SGCZ: variants seen among roughly 807,000 people sequenced by gnomAD.
SGCZ encodes sarcoglycan zeta.
SGCZ carries 40 observed loss-of-function variants against 41.3 expected under a neutral mutation model. The observed-to-expected ratio is 0.97, with a 90% CI of 0.75 to 1.26. The LOEUF (loss-of-function observed/expected upper bound fraction) is 1.26. Ranked by LOEUF, SGCZ falls within the 50% of genes most tolerant of loss-of-function variation. The pLI is 0.00. For synonymous variants in SGCZ, 206 were observed against 137.5 expected (o/e 1.50, Z -3.49); for missense variants, 552 against 369.8 (o/e 1.49, Z -4.04).
intron 1 of SGCZ, among the ~76,000 whole-genome samples, chr8:14,752,643 A>C (rs535003230): frequency 2.6e-5 from 4 of 152,340 alleles, no homozygotes; most frequent in Middle Eastern, 3.4e-3. Flanking sequence ...TATTTGCAAA[A>C]TAAATGAACT....
At chr8:14,452,998 G>A (rs1800638427) in intron 2 of SGCZ, among the ~76,000 whole-genome samples, 1 of 152,078 alleles carries the variant, frequency 6.6e-6, no homozygotes, top group Non-Finnish European at 1.5e-5. Flanking sequence ...AGCTACTCGG[G>A]AGGCTGAGGC....
intron 2 of SGCZ, among the ~76,000 whole-genome samples, chr8:14,553,321 C>T (rs1252546773): frequency 6.6e-6 from 1 of 151,982 alleles, no homozygotes. Flanking sequence ...GAGAATGTAC[C>T]TACAAGCCTT....
chr8:15,136,517 T>C (rs1274360929), intron 1 of SGCZ, among the ~76,000 whole-genome samples: 1 of 152,086 alleles, frequency 6.6e-6, no homozygotes, highest in Non-Finnish European at 1.5e-5. Context: ...CCAAATCTCA[T>C]CTGAATTGTA....
At chr8:14,428,135 T>TAC (rs1799841308) in intron 2 of SGCZ, among the ~76,000 whole-genome samples, 1 of 16,710 alleles carries the variant, frequency 6.0e-5, no homozygotes, top group African/African-American at 3.5e-4. Context: ...CACACACACA[T>TAC]ATATATATAT....
chr8:14,406,661 C>T (rs1251915140), intron 2 of SGCZ, among the ~76,000 whole-genome samples: 3 of 152,138 alleles, frequency 2.0e-5, no homozygotes, highest in African/African-American at 7.2e-5. Flanking sequence ...CCATTAGACA[C>T]ATGCCATGTC....
chr8:14,205,458 T>C (rs1805587829), intron 4 of SGCZ, among the ~76,000 whole-genome samples: 1 of 152,332 alleles, frequency 6.6e-6, no homozygotes, highest in East Asian at 1.9e-4. Flanking sequence ...AATTGATACA[T>C]GTTTCAGTTT....
chr8:14,737,180 CAT>C (rs377521367), intron 1 of SGCZ, among the ~76,000 whole-genome samples: 7 of 140,930 alleles, frequency 5.0e-5, no homozygotes, highest in East Asian at 2.0e-4. Context: ...ATATATCATA[CAT>C]ATATATATAT....
chr8:15,024,507 G>C (rs752848362), intron 1 of SGCZ, among the ~76,000 whole-genome samples: 3 of 152,144 alleles, frequency 2.0e-5, no homozygotes, highest in African/African-American at 7.2e-5. Flanking sequence ...AAGAACTAGA[G>C]ACAATAAATA....
intron 2 of SGCZ, among the ~76,000 whole-genome samples, chr8:14,431,687 G>T (rs934205823): frequency 1.3e-5 from 2 of 152,108 alleles, no homozygotes; most frequent in Non-Finnish European, 2.9e-5. Flanking sequence ...ATAAATAGCT[G>T]GGACTTAATT....
At chr8:14,568,456 A>G (rs1254397140) in intron 1 of SGCZ, among the ~76,000 whole-genome samples, 1 of 151,942 alleles carries the variant, frequency 6.6e-6, no homozygotes, top group South Asian at 2.1e-4. Context: ...AAAAAAAAAA[A>G]AAAACTAAAG....
At chr8:14,824,048 T>C (rs1261886246) in intron 1 of SGCZ, among the ~76,000 whole-genome samples, 1 of 151,736 alleles carries the variant, frequency 6.6e-6, no homozygotes, top group Non-Finnish European at 1.5e-5. Context: ...AGGTAGAGGA[T>C]ATCATAGAAG....
chr8:14,405,982 A>G (rs559367870), intron 2 of SGCZ, among the ~76,000 whole-genome samples: 11 of 152,172 alleles, frequency 7.2e-5, no homozygotes, highest in Non-Finnish European at 1.6e-4. Context: ...ATTTACATTC[A>G]TGTAAATACA....
chr8:15,112,591 T>A (rs1458335646), intron 1 of SGCZ, among the ~76,000 whole-genome samples: 1 of 152,260 alleles, frequency 6.6e-6, no homozygotes, highest in African/African-American at 2.4e-5. Flanking sequence ...GGCCCAGGCC[T>A]TAATACATAG....
At chr8:14,507,394 C>T (rs1802336833) in intron 2 of SGCZ, among the ~76,000 whole-genome samples, 1 of 152,096 alleles carries the variant, frequency 6.6e-6, no homozygotes, top group African/African-American at 2.4e-5. Flanking sequence ...TTTCTTTCTC[C>T]TCCATCCACT....
chr8:14,561,946 G>T (rs893177216), intron 1 of SGCZ, among the ~76,000 whole-genome samples: 3 of 152,084 alleles, frequency 2.0e-5, no homozygotes, highest in African/African-American at 7.2e-5. Context: ...TTTCAGACAG[G>T]GTTAGTTTGC....
chr8:14,794,025 T>C (rs1801043382), intron 1 of SGCZ, among the ~76,000 whole-genome samples: 1 of 152,196 alleles, frequency 6.6e-6, no homozygotes. Flanking sequence ...GAGAATATGA[T>C]GTCCTAATAA....
chr8:14,459,019 T>A (rs1434483448), intron 2 of SGCZ, among the ~76,000 whole-genome samples: 1 of 152,178 alleles, frequency 6.6e-6, no homozygotes, highest in South Asian at 2.1e-4. Flanking sequence ...CTGGGCACCC[T>A]CTCATCAGCA....
At chr8:15,165,246 C>T (rs1799629456) in intron 1 of SGCZ, among the ~76,000 whole-genome samples, 1 of 152,146 alleles carries the variant, frequency 6.6e-6, no homozygotes, top group Non-Finnish European at 1.5e-5. Context: ...GAGATCACGC[C>T]ACTGCTGCAC....
chr8:14,877,842 A>T (rs756662372), intron 1 of SGCZ, among the ~76,000 whole-genome samples: 9 of 152,140 alleles, frequency 5.9e-5, no homozygotes, highest in Non-Finnish European at 1.2e-4. Flanking sequence ...GGTTACTTAC[A>T]ATAGTTCTAA....
Sources: allele counts gnomAD v4.1 joint callset (sites outside exome capture counted in the v4.1 genomes callset), GRCh38; gene constraint gnomAD v4.1.1; transcripts MANE v1.5; gene names NCBI Gene and HGNC (gene_info 2026-07-23, HGNC 2026-07-21).